Variants in SLMAP observed in about 807,000 individuals in gnomAD.
SLMAP encodes the protein sarcolemmal membrane-associated protein.
A neutral mutation model predicts 128.8 loss-of-function variants in SLMAP; 44 were observed. The observed-to-expected ratio is 0.34, with a 90% CI of 0.27 to 0.44. The LOEUF is 0.44. Ranked by LOEUF, SLMAP falls within the 20% of genes least tolerant of loss-of-function variation. The pLI, the probability that SLMAP is intolerant of heterozygous loss-of-function variation, is 1.00. For missense variants in SLMAP, 787 were observed against 985.3 expected, an observed-to-expected ratio of 0.80 and a Z score of 2.69; for synonymous variants, 327 against 348.8, an observed-to-expected ratio of 0.94 and a Z score of 0.70.
rs1272568264 is a variant in SLMAP at position 57,757,187 on chromosome 3, T to A, written c.-465T>A. 4.9e-6 allele frequency: 1 copy of A among 204,548 alleles called. No homozygotes were observed. The highest frequency in any genetic ancestry group is 2.4e-5 in the African/African-American group (1 of 42,382). 12.7% of individuals were successfully genotyped at this position (204,548 alleles called of 1,614,324 possible). ...TTCCTTCGGCCCAAAAGGACTTTCC[T>A]GGCCGCGCCGAACCGACCCTTCATT... On this transcript the variant is annotated 5_prime_UTR_variant, in exon 2 of 25. Coordinates refer to ENST00000671191, the MANE Select transcript of SLMAP (RefSeq NM_001377540.1).
chr3:57,792,801 G>T (rs915114154), intron 2 of SLMAP, among the ~76,000 whole-genome samples: 1 of 151,996 alleles, frequency 6.6e-6, no homozygotes, highest in Non-Finnish European at 1.5e-5. Flanking sequence ...TTAAAGAAAT[G>T]TAAAAAGTCT....
intron 4 of SLMAP, 114 bp from the exon 5 acceptor site, chr3:57,847,083 A>T: frequency 1.5e-6 from 1 of 674,384 alleles, no homozygotes; most frequent in Non-Finnish European, 2.6e-6. Context: ...ACCTTTTTTT[A>T]ATTACATGAA....
At chr3:57,892,392 C>T (rs902541407) in intron 15 of SLMAP, among the ~76,000 whole-genome samples, 1 of 152,100 alleles carries the variant, frequency 6.6e-6, no homozygotes, top group Non-Finnish European at 1.5e-5. Context: ...ACTCAACTTG[C>T]AGTCATTACA....
intron 2 of SLMAP, among the ~76,000 whole-genome samples, chr3:57,773,232 G>A (rs781061257): frequency 3.5e-4 from 54 of 152,190 alleles, no homozygotes; most frequent in Non-Finnish European, 6.6e-4. Flanking sequence ...AGATGGTTTA[G>A]ATTAAATGAC....
intron 23 of SLMAP, among the ~76,000 whole-genome samples, chr3:57,923,238 C>T (rs2096947208): frequency 6.6e-6 from 1 of 152,142 alleles, no homozygotes; most frequent in Admixed American, 6.5e-5. Flanking sequence ...CTCAGGACTG[C>T]CTGGAGGAAG....
Position 57,876,261 on chromosome 3 carries a change from T to A in SLMAP, c.1300+4563T>A, listed in dbSNP as rs571567911. On this transcript the variant is annotated intron_variant, in intron 14 of 24. Coordinates refer to ENST00000671191, the MANE Select transcript of SLMAP (RefSeq NM_001377540.1). ...TGAATCTATAAGAGAACAATTTGGT[T>A]GTTGGCTCTTTCCATTTAAAAGTTG... 6.8e-4 allele frequency among the ~76,000 whole-genome samples: 104 copies of A among 152,358 alleles called. No individual in the cohort carries two copies. In the Middle Eastern group the frequency reaches 0.027, roughly 40 times the overall value.
At chr3:57,782,595 C>T (rs2083294497) in intron 2 of SLMAP, among the ~76,000 whole-genome samples, 2 of 152,146 alleles carry the variant, frequency 1.3e-5, no homozygotes, top group South Asian at 4.1e-4. Context: ...ATCTCATCCT[C>T]CCAAGTAGCT....
intron 2 of SLMAP, 40 bp downstream of exon 2, chr3:57,757,889 CT>C (rs763162488): frequency 1.3e-5 from 20 of 1,591,428 alleles, no homozygotes; most frequent in Non-Finnish European, 1.6e-5. Context: ...GTTTAACAAA[CT>C]TTTTTTCCCC....
intron 3 of SLMAP, 146 bp from the exon 4 acceptor site, chr3:57,841,153 G>A: frequency 2.1e-6 from 1 of 469,916 alleles, no homozygotes. Context: ...GTTTCTCCAG[G>A]GTAATAATGT....
At chr3:57,799,508 G>A (rs904960286) in intron 2 of SLMAP, among the ~76,000 whole-genome samples, 1 of 152,150 alleles carries the variant, frequency 6.6e-6, no homozygotes, top group African/African-American at 2.4e-5. Flanking sequence ...TAATTACTTA[G>A]TATTTATATT....
intron 13 of SLMAP, among the ~76,000 whole-genome samples, chr3:57,870,950 A>C (rs951377959): frequency 1.3e-5 from 2 of 152,222 alleles, no homozygotes; most frequent in African/African-American, 4.8e-5. Flanking sequence ...TTATTTAACC[A>C]CTATGTTACA....
chr3:57,926,117 T>C, intron 24 of SLMAP, 183 bp downstream of exon 24: 1 of 585,202 alleles, frequency 1.7e-6, no homozygotes, highest in Admixed American at 3.2e-5. Context: ...CCATAACTTT[T>C]TGTCTTGTTT....
chr3:57,848,766 A>ACGG (rs2094393114), intron 5 of SLMAP, among the ~76,000 whole-genome samples: 1 of 136,364 alleles, frequency 7.3e-6, no homozygotes, highest in African/African-American at 2.8e-5. Flanking sequence ...CTGGAGTGCA[A>ACGG]TGGTGCAATC....
intron 2 of SLMAP, among the ~76,000 whole-genome samples, chr3:57,814,092 CTT>C (rs35586426): frequency 2.1e-5 from 3 of 142,016 alleles, no homozygotes; most frequent in Non-Finnish European, 1.5e-5. Flanking sequence ...GAGCATTATT[CTT>C]TTTTTTTTTT....
intron 2 of SLMAP, among the ~76,000 whole-genome samples, chr3:57,806,107 G>T (rs2089791741): frequency 6.6e-6 from 1 of 151,680 alleles, no homozygotes; most frequent in Non-Finnish European, 1.5e-5. Flanking sequence ...TGTTACATAG[G>T]TATACATGTG....
chr3:57,771,201 T>TCTC (rs1199144748), intron 2 of SLMAP, among the ~76,000 whole-genome samples: 1 of 140,028 alleles, frequency 7.1e-6, no homozygotes, highest in Non-Finnish European at 1.6e-5. Flanking sequence ...CCCTTCTCTT[T>TCTC]CTCCTCCTCC....
At chr3:57,823,211 T>G (rs2153533443) in intron 2 of SLMAP, among the ~76,000 whole-genome samples, 1 of 152,270 alleles carries the variant, frequency 6.6e-6, no homozygotes, top group African/African-American at 2.4e-5. Flanking sequence ...TTTGGGTAAT[T>G]TATTTTTTTA....
chr3:57,890,175 T>A, intron 15 of SLMAP, 75 bp downstream of exon 15: 1 of 1,433,012 alleles, frequency 7.0e-7, no homozygotes, highest in Non-Finnish European at 9.8e-7. Context: ...TTCAAGGTTA[T>A]AGTATTTTAA....
rs900157631 is a variant in SLMAP, at chr3:57,848,899, G to A, written c.457-855G>A. On this transcript the variant is annotated intron_variant, in intron 5 of 24. Transcript: ENST00000671191. ...TAATTTTACGTTTTTAGTAGAGACG[G>A]GGTTTCTCCATGTCGGTCAGGCTGG... Among the ~76,000 whole-genome samples, 3 of 151,660 alleles carry A rather than the reference G, an allele frequency of 2.0e-5. No individual in the cohort carries two copies. In the South Asian group the frequency reaches 6.3e-4, roughly 32 times the overall value.
Sources: allele counts gnomAD v4.1 joint callset (sites outside exome capture counted in the v4.1 genomes callset), GRCh38; gene constraint gnomAD v4.1.1; transcripts MANE v1.5; gene names NCBI Gene and HGNC (gene_info 2026-07-23, HGNC 2026-07-21).